Variants in KCNRG observed in about 807,000 individuals in gnomAD.
KCNRG encodes potassium channel regulatory protein.
A neutral mutation model predicts 17.7 loss-of-function variants in KCNRG; 17 were observed. The observed-to-expected ratio is 0.96, with a 90% confidence interval of 0.66 to 1.44. The LOEUF is 1.44. KCNRG is among the 40% of genes most tolerant of loss of function. KCNRG has a pLI of 0.00. For missense variants in KCNRG, 311 were observed against 321.1 expected, an observed-to-expected ratio of 0.97 and a Z score of 0.24; for synonymous variants, 97 against 116.5, an observed-to-expected ratio of 0.83 and a Z score of 1.08.
At position 50,015,805 on chromosome 13, in the gene KCNRG, GC is replaced by G; in HGVS notation, c.314del (p.Pro105GlnfsTer11). On this transcript the variant is annotated frameshift_variant, in exon 1 of 2. Transcript: ENST00000312942. LOFTEE classifies it high-confidence loss of function. ...ATCTCTTAAACCCATACCTGCTACA[GC>G]CAAGACCTGCTCTTGTGGAGGTACA... ...VDLLNPYLLQ[P>X]RPALVEVHFL... 1 of 1,614,134 alleles carries G rather than the reference GC, an allele frequency of 6.2e-7. No homozygotes were observed. The highest frequency in any genetic ancestry group is 8.5e-7 in the Non-Finnish European group (1 of 1,179,990).
rs916132328 is a variant in KCNRG, at chr13:50,020,711, T to G, written c.*257T>G. ...CCTTTCTCTTCTTCATGAATGCTTA[T>G]GAGCCGAGATTGCGCCACTGCACAC... On this transcript the variant is annotated 3_prime_UTR_variant, in exon 2 of 2. Transcript: ENST00000312942. 2 of 379,078 alleles carry G rather than the reference T, an allele frequency of 5.3e-6. No individual in the cohort carries two copies. The highest frequency in any genetic ancestry group is 4.0e-5 in the African/African-American group (2 of 49,552). The allele number at this position is 379,078 out of a possible 1,614,324, so 23.5% of individuals were successfully genotyped here.
In KCNRG at chr13:50,020,568, C is replaced by A; in HGVS notation, c.*114C>A. ...GCCTAACTCTTGGCTTCATCTGCTG[C>A]CATGCCGTCTCTGGGCAACCAGGCC... On this transcript the variant is annotated 3_prime_UTR_variant, in exon 2 of 2. Coordinates refer to ENST00000312942, the MANE Select transcript of KCNRG (RefSeq NM_173605.2). The A allele has an allele frequency of 1.7e-6, 2 of 1,148,136 alleles. No homozygotes were observed. The highest frequency in any genetic ancestry group is 2.5e-6 in the Non-Finnish European group (2 of 810,522). 71.1% of individuals were successfully genotyped at this position (1,148,136 alleles called of 1,614,324 possible).
rs1482137520 is a variant in KCNRG at position 50,015,806 on chromosome 13, C to T, written c.313C>T (p.Pro105Ser). The stretch of plus-strand genomic sequence containing the variant: ...TCTCTTAAACCCATACCTGCTACAG[C>T]CAAGACCTGCTCTTGTGGAGGTACA... ...VDLLNPYLLQ[P>S]RPALVEVHFL... Residue 105 changes from proline to serine, a missense_variant, in exon 1 of 2, where the codon CCA (proline) becomes TCA (serine). Pro to Ser is a moderately conservative substitution (Grantham distance 74). Coordinates refer to ENST00000312942, the MANE Select transcript of KCNRG (RefSeq NM_173605.2). 3 of 1,614,024 alleles carry T rather than the reference C, an allele frequency of 1.9e-6. No homozygotes were observed. Among genetic ancestry groups the T allele is most frequent in the Non-Finnish European group, 2.5e-6 (3 of 1,179,994 alleles).
chr13:50,018,027 G>A (rs922026789), intron 1 of KCNRG: 1 of 167,010 alleles, frequency 6.0e-6, no homozygotes, highest in African/African-American at 2.4e-5. Flanking sequence ...TGCCATTCAT[G>A]TTATCAAGCT....
chr13:50,015,958 C>T lies in KCNRG; in HGVS notation c.465C>T (p.Asn155=), dbSNP rs764218311. Reference sequence around the variant, plus strand: ...CTTCAGCGCCGACCTGGAATGGTAACTTTTTCCCTCCTCAGATGACCTTAC... The same window carrying T: ...CTTCAGCGCCGACCTGGAATGGTAATTTTTTCCCTCCTCAGATGACCTTAC... ...EQPSAPTWNG[N]FFPPQMTLLP... The change falls in exon 1 of 2, where the codon AAC becomes AAT. Residue 155 remains asparagine (N), a synonymous_variant. Transcript: ENST00000312942. 6.2e-7 allele frequency: 1 copy of T among 1,613,982 alleles called. No homozygotes were observed. Among genetic ancestry groups the T allele is most frequent in the Non-Finnish European group, 8.5e-7 (1 of 1,179,978 alleles).
Position 50,020,739 on chromosome 13 carries a change from G to T in KCNRG, c.*285G>T. ...GCCGAGATTGCGCCACTGCACACTA[G>T]CTTGGGTGACAGAGGAAGACTGTCT... On this transcript the variant is annotated 3_prime_UTR_variant, in exon 2 of 2. Transcript: ENST00000312942. 1 of 303,092 alleles carries T rather than the reference G, an allele frequency of 3.3e-6. No homozygotes were observed. Among genetic ancestry groups the T allele is most frequent in the South Asian group, 5.8e-5 (1 of 17,340 alleles). 18.8% of individuals were successfully genotyped at this position (303,092 alleles called of 1,614,324 possible).
In KCNRG at chr13:50,016,087, C is replaced by T. The variant is rs755279497; in HGVS notation, c.578+16C>T. ...CTGGAGTCAGGTATTTTGTACTTTG[C>T]AGTATTTCTCTTGTATACCAGTTTG... On this transcript the variant is annotated intron_variant, in intron 1 of 1. Coordinates refer to ENST00000312942, the MANE Select transcript of KCNRG (RefSeq NM_173605.2). 3 of 1,582,976 alleles carry T rather than the reference C, an allele frequency of 1.9e-6. No homozygotes were observed. The African/African-American group carries it at 4.0e-5, about 21-fold the overall frequency.
At chr13:50,017,833 T>C (rs886369953) in intron 1 of KCNRG, 17 of 167,052 alleles carry the variant, frequency 1.0e-4, no homozygotes, top group African/African-American at 4.1e-4. Flanking sequence ...TATTCAGATA[T>C]TTTTTGGTAG....
intron 1 of KCNRG, among the ~76,000 whole-genome samples, chr13:50,019,529 C>A (rs1267391744): frequency 6.6e-6 from 1 of 152,106 alleles, no homozygotes; most frequent in African/African-American, 2.4e-5. Flanking sequence ...TGTAAGTGCA[C>A]AGCATTCATT....
At position 50,015,598 on chromosome 13, in the gene KCNRG, A is replaced by G; in HGVS notation, c.105A>G (p.Leu35=). 6.2e-7 allele frequency: 1 copy of G among 1,614,134 alleles called. No homozygotes were observed. Among genetic ancestry groups the G allele is most frequent in the South Asian group, 1.1e-5 (1 of 91,082 alleles). Reference sequence around the variant, plus strand: ...CTGCTTCTCGTTTGGCACGCATGTTAGATGGCAGAGACCAAGAATTCAAGA... The same window carrying G: ...CTGCTTCTCGTTTGGCACGCATGTTGGATGGCAGAGACCAAGAATTCAAGA... ...QFPASRLARM[L]DGRDQEFKMV... Residue 35 remains leucine (L), a synonymous_variant, in exon 1 of 2, where the codon TTA becomes TTG. Coordinates refer to ENST00000312942, the MANE Select transcript of KCNRG (RefSeq NM_173605.2).
In KCNRG at chr13:50,015,954, G is replaced by T. The variant is rs1876495950; in HGVS notation, c.461G>T (p.Gly154Val). Reference protein sequence around the residue: ...TEQPSAPTWNGNFFPPQMTLL... With the variant: ...TEQPSAPTWNVNFFPPQMTLL... ...CAACCTTCAGCGCCGACCTGGAATGGTAACTTTTTCCCTCCTCAGATGACC... is the reference window on the plus strand; with the variant it reads ...CAACCTTCAGCGCCGACCTGGAATGTTAACTTTTTCCCTCCTCAGATGACC... The change falls in exon 1 of 2, where the codon GGT (glycine) becomes GTT (valine). Residue 154 changes from glycine (G) to valine (V), a missense_variant. Transcript: ENST00000312942. 1 of 1,613,944 alleles carries T rather than the reference G, an allele frequency of 6.2e-7. No homozygotes were observed. Among genetic ancestry groups the T allele is most frequent in the Admixed American group, 1.7e-5 (1 of 59,998 alleles).
In KCNRG at chr13:50,020,063, A is replaced by G. The variant is rs533541575; in HGVS notation, c.579-151A>G. On this transcript the variant is annotated intron_variant, in intron 1 of 1. Coordinates refer to ENST00000312942, the MANE Select transcript of KCNRG (RefSeq NM_173605.2). ...AAAAGAAAAAAAAAAAAAATCACTC[A>G]TTTGGATTTGTAAAGTAAATGAAAT... The G allele has an allele frequency of 6.7e-5, 46 of 682,048 alleles. No homozygotes were observed. The African/African-American group carries it at 8.0e-4, about 12-fold the overall frequency. The allele number at this position is 682,048 out of a possible 1,614,324, so 42.2% of individuals were successfully genotyped here. A position where few individuals can be genotyped will look rare whatever the true frequency, so the allele number is the denominator to read the frequency against.
At chr13:50,020,056 A>G (rs1245019004) in intron 1 of KCNRG, among the ~76,000 whole-genome samples, 158 bp from the exon 2 acceptor site, 2 of 147,936 alleles carry the variant, frequency 1.4e-5, no homozygotes, top group Non-Finnish European at 3.0e-5. Context: ...AAAAAAAAAA[A>G]TCACTCATTT....
At chr13:50,016,973 TTGGTCTTGCTTA>T (rs1298007613) in intron 1 of KCNRG, 2 of 166,962 alleles carry the variant, frequency 1.2e-5, no homozygotes, top group Non-Finnish European at 2.9e-5. Flanking sequence ...GACACACTCC[TTGGTCTTGCTTA>T]CCAACTGGAG....
In KCNRG at chr13:50,020,839, C is replaced by G; in HGVS notation, c.*385C>G. The G allele has an allele frequency of 5.9e-6, 1 of 168,154 alleles. No individual in the cohort carries two copies. The highest frequency in any genetic ancestry group is 1.3e-5 in the Non-Finnish European group (1 of 76,910). 10.4% of individuals were successfully genotyped at this position (168,154 alleles called of 1,614,324 possible). On this transcript the variant is annotated 3_prime_UTR_variant, in exon 2 of 2. Transcript: ENST00000312942. ...TTGATCATTACACCTTCTATGCATG[C>G]AACAAAATGCCACGTGTACCCCATA...
At chr13:50,017,657 GC>G in intron 1 of KCNRG, 1 of 167,112 alleles carries the variant, frequency 6.0e-6, no homozygotes. Context: ...TTTAGACAGT[GC>G]CAATTTAAAA....
chr13:50,015,590 C>A lies in KCNRG; in HGVS notation c.97C>A (p.Arg33Ser). Residue 33 changes from arginine to serine, a missense_variant, in exon 1 of 2, where the codon CGC becomes AGC. Arg to Ser is a moderately radical substitution (Grantham distance 110, BLOSUM62 -1). Transcript: ENST00000312942. ...GCAGTTTCCTGCTTCTCGTTTGGCACGCATGTTAGATGGCAGAGACCAAGA... is the reference window on the plus strand; with the variant it reads ...GCAGTTTCCTGCTTCTCGTTTGGCAAGCATGTTAGATGGCAGAGACCAAGA... Reference protein sequence around the residue: ...IKQFPASRLARMLDGRDQEFK... With the variant: ...IKQFPASRLASMLDGRDQEFK... 1 of 1,614,034 alleles carries A rather than the reference C, an allele frequency of 6.2e-7. No homozygotes were observed. The highest frequency in any genetic ancestry group is 1.1e-5 in the South Asian group (1 of 91,086).
intron 1 of KCNRG, chr13:50,018,068 T>C (rs532707943): frequency 6.0e-6 from 1 of 167,028 alleles, no homozygotes; most frequent in Non-Finnish European, 1.5e-5. Flanking sequence ...GATTCTAAAG[T>C]CTTTATTTGA....
Position 50,020,355 on chromosome 13 carries a change from T to G in KCNRG, c.720T>G (p.Tyr240Ter), listed in dbSNP as rs150639711. The change falls in exon 2 of 2, where the codon TAT (tyrosine) becomes TAG (stop). Residue 240 changes from tyrosine (Y) to a stop codon, truncating the protein, a stop_gained. Coordinates refer to ENST00000312942, the MANE Select transcript of KCNRG (RefSeq NM_173605.2). LOFTEE classifies it high-confidence loss of function. ...TVSSEDKTEC[Y>*]SFERIKSPEV... ...CTTCTGAAGACAAAACTGAATGCTATAGCTTTGAAAGGATAAAAAGCCCTG... is the reference window on the plus strand; with the variant it reads ...CTTCTGAAGACAAAACTGAATGCTAGAGCTTTGAAAGGATAAAAAGCCCTG... 2 of 1,613,958 alleles carry G rather than the reference T, an allele frequency of 1.2e-6. No homozygotes were observed. Among genetic ancestry groups the G allele is most frequent in the Non-Finnish European group, 1.7e-6 (2 of 1,179,950 alleles).
Sources: allele counts gnomAD v4.1 joint callset (sites outside exome capture counted in the v4.1 genomes callset), GRCh38; gene constraint gnomAD v4.1.1; transcripts MANE v1.5; gene names NCBI Gene and HGNC (gene_info 2026-07-23, HGNC 2026-07-21).